Variants in KCNC2 observed in about 807,000 individuals in gnomAD.
KCNC2 encodes voltage-gated potassium channel KCNC2.
A neutral mutation model predicts 44.5 loss-of-function variants in KCNC2; 21 were observed. The observed-to-expected ratio is 0.47, with a 90% CI of 0.33 to 0.68. The LOEUF is 0.68. Among genes scored for constraint, KCNC2 ranks in the 30% least tolerant of loss-of-function variants. The pLI, the probability that KCNC2 is intolerant of heterozygous loss-of-function variation, is 0.01. For synonymous variants in KCNC2, 391 were observed against 339.1 expected (o/e 1.15, Z -1.68); for missense variants, 589 against 826.2 (o/e 0.71, Z 3.52).
Position 75,041,497 on chromosome 12 carries a change from G to A in KCNC2, c.*1608C>T, listed in dbSNP as rs1040363840. 3.4e-6 allele frequency: 4 copies of A among 1,184,850 alleles called. No individual in the cohort carries two copies. The highest frequency in any genetic ancestry group is 3.7e-5 in the Admixed American group (1 of 27,158). 73.4% of individuals were successfully genotyped at this position (1,184,850 alleles called of 1,614,324 possible). On this transcript the variant is annotated 3_prime_UTR_variant, in exon 5 of 5. Transcript: ENST00000549446. ...ATAGGAATTAATCAGCAGTCTCAAGGCTCCCAAATGCCTTAGTGATATTAT... is the reference window on the plus strand; with the variant it reads ...ATAGGAATTAATCAGCAGTCTCAAGACTCCCAAATGCCTTAGTGATATTAT...
intron 2 of KCNC2, among the ~76,000 whole-genome samples, chr12:75,131,322 T>A (rs1178257223): frequency 2.0e-5 from 3 of 152,172 alleles, no homozygotes; most frequent in Non-Finnish European, 4.4e-5. Context: ...ACATTATTTA[T>A]TCCTTACACT....
intron 2 of KCNC2, among the ~76,000 whole-genome samples, chr12:75,138,894 T>C (rs1040888421): frequency 7.0e-6 from 1 of 143,372 alleles, no homozygotes; most frequent in Non-Finnish European, 1.5e-5. Flanking sequence ...GTCAGGAGAA[T>C]GGCATGAACC....
chr12:75,177,778 C>A (rs572158965), intron 2 of KCNC2, among the ~76,000 whole-genome samples: 2 of 151,956 alleles, frequency 1.3e-5, no homozygotes, highest in Non-Finnish European at 2.9e-5. Context: ...AATTTACCTA[C>A]AAGAGAAATG....
intron 2 of KCNC2, among the ~76,000 whole-genome samples, chr12:75,134,194 A>G (rs1889061321): frequency 6.6e-6 from 1 of 151,956 alleles, no homozygotes; most frequent in African/African-American, 2.4e-5. Flanking sequence ...ATGTATAGCT[A>G]AAATTAGAGC....
At chr12:75,188,753 G>A (rs896086608) in intron 2 of KCNC2, among the ~76,000 whole-genome samples, 8 of 151,684 alleles carry the variant, frequency 5.3e-5, no homozygotes, top group East Asian at 1.9e-4. Context: ...CCAGCTACTC[G>A]GGAGGCTGAG....
chr12:75,105,945 T>C (rs1044015904), intron 2 of KCNC2, among the ~76,000 whole-genome samples: 2 of 151,584 alleles, frequency 1.3e-5, no homozygotes, highest in African/African-American at 2.4e-5. Context: ...GGAGATCACT[T>C]ATAGAGAGAG....
intron 2 of KCNC2, among the ~76,000 whole-genome samples, chr12:75,051,958 A>G (rs1881221341): frequency 6.6e-6 from 1 of 152,128 alleles, no homozygotes; most frequent in African/African-American, 2.4e-5. Flanking sequence ...CCAGTAAAGG[A>G]GCAATTTAAA....
At chr12:75,184,335 C>T (rs1338170386) in intron 2 of KCNC2, among the ~76,000 whole-genome samples, 1 of 152,116 alleles carries the variant, frequency 6.6e-6, no homozygotes, top group Admixed American at 6.6e-5. Context: ...AGAGCATATG[C>T]ATATTTTTCC....
intron 2 of KCNC2, among the ~76,000 whole-genome samples, chr12:75,181,753 T>C (rs1892588708): frequency 6.6e-6 from 1 of 152,076 alleles, no homozygotes; most frequent in South Asian, 2.1e-4. Flanking sequence ...TCTCAATTTC[T>C]TCATTTATAA....
At chr12:75,148,489 C>A (rs1316544230) in intron 2 of KCNC2, among the ~76,000 whole-genome samples, 1 of 151,896 alleles carries the variant, frequency 6.6e-6, no homozygotes, top group Non-Finnish European at 1.5e-5. Context: ...TTTGTTTTTC[C>A]TTCAGCTTAT....
At chr12:75,178,460 G>A (rs887993671) in intron 2 of KCNC2, among the ~76,000 whole-genome samples, 4 of 152,006 alleles carry the variant, frequency 2.6e-5, no homozygotes, top group Admixed American at 6.6e-5. Context: ...GCTGAAGGCA[G>A]TGTGTAAAGT....
At chr12:75,125,757 T>G in intron 2 of KCNC2, among the ~76,000 whole-genome samples, 1 of 152,210 alleles carries the variant, frequency 6.6e-6, no homozygotes, top group East Asian at 1.9e-4. Flanking sequence ...ACTCACCTTT[T>G]GGATTCCCTT....
intron 2 of KCNC2, among the ~76,000 whole-genome samples, chr12:75,172,766 C>T (rs1049330513): frequency 6.6e-6 from 1 of 151,878 alleles, no homozygotes; most frequent in Non-Finnish European, 1.5e-5. Flanking sequence ...TTCAAGCTTC[C>T]TCTCTGATAG....
chr12:75,085,748 A>G (rs1420807716), intron 2 of KCNC2, among the ~76,000 whole-genome samples: 6 of 152,058 alleles, frequency 3.9e-5, no homozygotes, highest in Non-Finnish European at 7.4e-5. Context: ...TCATTCTTTC[A>G]CAATAGTACT....
intron 2 of KCNC2, among the ~76,000 whole-genome samples, chr12:75,191,160 G>T (rs909973118): frequency 1.3e-5 from 2 of 151,834 alleles, no homozygotes; most frequent in African/African-American, 4.8e-5. Flanking sequence ...CCTATATAAA[G>T]TAAGCTATAA....
At chr12:75,062,960 C>A (rs548596990) in intron 2 of KCNC2, among the ~76,000 whole-genome samples, 13 of 152,038 alleles carry the variant, frequency 8.6e-5, no homozygotes, top group Non-Finnish European at 1.5e-4. Context: ...TAAAATATTT[C>A]TTTTAAAATA....
chr12:75,049,709 C>G (rs1329293992), intron 3 of KCNC2, among the ~76,000 whole-genome samples: 1 of 152,046 alleles, frequency 6.6e-6, no homozygotes, highest in Non-Finnish European at 1.5e-5. Context: ...GTGGCCAAAG[C>G]AGATCATCTA....
chr12:75,077,246 G>GA lies in KCNC2; in HGVS notation c.688-25930dup, dbSNP rs761920621. 5.5e-4 allele frequency among the ~76,000 whole-genome samples: 83 copies of GA among 152,046 alleles called. 3 individuals carry two copies. Among genetic ancestry groups the GA allele is most frequent in the Non-Finnish European group, 2.2e-4 (15 of 67,994 alleles). Reference sequence around the variant, plus strand: ...AGAGTTGTATGAGCATTTTCTGGGGGAAAAATCACTTTTGGCATTATTACT... The same window carrying GA: ...AGAGTTGTATGAGCATTTTCTGGGGGAAAAAATCACTTTTGGCATTATTACT... On this transcript the variant is annotated intron_variant, in intron 2 of 4. Coordinates refer to ENST00000549446, the MANE Select transcript of KCNC2 (RefSeq NM_139137.4).
chr12:75,042,442 A>C lies in KCNC2; in HGVS notation c.*663T>G. 1 of 1,572,640 alleles carries C rather than the reference A, an allele frequency of 6.4e-7. No homozygotes were observed. The highest frequency in any genetic ancestry group is 8.6e-7 in the Non-Finnish European group (1 of 1,158,994). ...ATTTTTGAAGAAAAGTAAATCAATCAAGAAATTAAACTATTTAAAACATAT... is the reference window on the plus strand; with the variant it reads ...ATTTTTGAAGAAAAGTAAATCAATCCAGAAATTAAACTATTTAAAACATAT... On this transcript the variant is annotated 3_prime_UTR_variant, in exon 5 of 5. Transcript: ENST00000549446.
Sources: allele counts gnomAD v4.1 joint callset (sites outside exome capture counted in the v4.1 genomes callset), GRCh38; gene constraint gnomAD v4.1.1; transcripts MANE v1.5; gene names NCBI Gene and HGNC (gene_info 2026-07-23, HGNC 2026-07-21).